The following UNC5C variants were observed in gnomAD, a reference collection of about 807,000 sequenced individuals.
UNC5C encodes the protein netrin receptor UNC5C.
UNC5C carries 47 observed loss-of-function variants against 99.8 expected under a neutral mutation model. The observed-to-expected ratio is 0.47, with a 90% confidence interval of 0.37 to 0.60. The LOEUF is 0.60. Among genes scored for constraint, UNC5C ranks in the 20% least tolerant of loss-of-function variants. The probability of loss-of-function intolerance (pLI) is 0.00; values close to 1 mark genes in which losing one functional copy is unlikely to be tolerated. For missense variants in UNC5C, 1,062 were observed against 1,165.9 expected (o/e 0.91, Z 1.30); for synonymous variants, 487 against 452.2 (o/e 1.08, Z -0.98).
At chr4:95,521,862 A>C (rs1722366904) in intron 1 of UNC5C, among the ~76,000 whole-genome samples, 1 of 152,244 alleles carries the variant, frequency 6.6e-6, no homozygotes, top group Admixed American at 6.5e-5. Context: ...ATGAAAAAGT[A>C]AACATAATTT....
intron 1 of UNC5C, among the ~76,000 whole-genome samples, chr4:95,421,619 TACACACAC>T (rs3069166): frequency 1.3e-5 from 2 of 149,542 alleles, no homozygotes; most frequent in Non-Finnish European, 3.0e-5. Context: ...CACTCTCTTT[TACACACAC>T]ACACACACAC....
In UNC5C at chr4:95,165,705, C is replaced by T. The variant is rs1380825935; in HGVS notation, c.*3529G>A. On this transcript the variant is annotated 3_prime_UTR_variant, in exon 16 of 16. Coordinates refer to ENST00000453304, the MANE Select transcript of UNC5C (RefSeq NM_003728.4). The stretch of plus-strand genomic sequence containing the variant: ...TCTTCCCTAGACATAGTATTCCATT[C>T]GCATATATAAGACTTATTTCTTTCT... 3 of 152,256 alleles carry T rather than the reference C, an allele frequency of 2.0e-5. No homozygotes were observed. Among genetic ancestry groups the T allele is most frequent in the East Asian group, 1.9e-4 (1 of 5,186 alleles). The allele number at this position is 152,256 out of a possible 1,614,324, so 9.4% of individuals were successfully genotyped here.
At chr4:95,440,305 G>A (rs1364010895) in intron 1 of UNC5C, among the ~76,000 whole-genome samples, 2 of 152,078 alleles carry the variant, frequency 1.3e-5, no homozygotes, top group East Asian at 3.9e-4. Context: ...ATTAGAGAAG[G>A]GAATAAATGT....
intron 11 of UNC5C, among the ~76,000 whole-genome samples, chr4:95,204,700 T>G (rs1737812110): frequency 6.6e-6 from 1 of 152,212 alleles, no homozygotes. Flanking sequence ...GGGGCAGGAA[T>G]CATGTCGACT....
chr4:95,191,485 T>G (rs1003267445), intron 12 of UNC5C, among the ~76,000 whole-genome samples: 4 of 152,022 alleles, frequency 2.6e-5, no homozygotes, highest in Non-Finnish European at 5.9e-5. Flanking sequence ...CCACAGCGGA[T>G]CTGGTGGGCT....
At chr4:95,510,649 T>G (rs1276219815) in intron 1 of UNC5C, among the ~76,000 whole-genome samples, 2 of 152,122 alleles carry the variant, frequency 1.3e-5, no homozygotes, top group African/African-American at 2.4e-5. Context: ...TTAAGGGTAG[T>G]GTGCTGTAGA....
intron 5 of UNC5C, among the ~76,000 whole-genome samples, chr4:95,246,618 GGATA>G (rs1560751448): frequency 6.6e-6 from 1 of 151,226 alleles, no homozygotes; most frequent in African/African-American, 2.4e-5. Context: ...TAATGTTTAT[GGATA>G]CATTATGCAT....
intron 2 of UNC5C, among the ~76,000 whole-genome samples, chr4:95,302,787 A>T (rs1295224427): frequency 1.3e-5 from 2 of 152,252 alleles, no homozygotes; most frequent in African/African-American, 2.4e-5. Flanking sequence ...AGTATCAATT[A>T]TGTAAAAGAT....
intron 1 of UNC5C, among the ~76,000 whole-genome samples, chr4:95,425,375 G>T (rs1443337051): frequency 6.6e-6 from 1 of 152,252 alleles, no homozygotes; most frequent in Non-Finnish European, 1.5e-5. Flanking sequence ...AGGCTGGAGT[G>T]CAGTGGCGCG....
In UNC5C at chr4:95,301,664, A is replaced by G; in HGVS notation, c.432T>C (p.Cys144=). 6.2e-7 allele frequency: 1 copy of G among 1,613,826 alleles called. No homozygotes were observed. The change falls in exon 3 of 16, where the codon TGT becomes TGC. Residue 144 remains cysteine (C), a synonymous_variant. Coordinates refer to ENST00000453304, the MANE Select transcript of UNC5C (RefSeq NM_003728.4). ...TGGTACCCGCGGAGCTCCAGGCCAC[A>G]CACTGGCACCAGTAATCTTCAGGTC... is the stretch of plus-strand genomic sequence containing the variant. The part of the protein sequence containing the change: ...LFGPEDYWCQ[C]VAWSSAGTTK...
At chr4:95,343,979 T>C (rs566933654) in intron 1 of UNC5C, among the ~76,000 whole-genome samples, 2 of 152,120 alleles carry the variant, frequency 1.3e-5, no homozygotes, top group African/African-American at 2.4e-5. Context: ...CTAAGAGTTA[T>C]TGGCCTTAAA....
intron 5 of UNC5C, among the ~76,000 whole-genome samples, chr4:95,245,498 C>A (rs1019092473): frequency 4.6e-5 from 7 of 152,142 alleles, no homozygotes; most frequent in Non-Finnish European, 8.8e-5. Flanking sequence ...TAAATGTTTA[C>A]ATCTCTATGA....
intron 1 of UNC5C, among the ~76,000 whole-genome samples, chr4:95,483,031 A>C (rs1721212565): frequency 1.2e-5 from 1 of 80,168 alleles, no homozygotes; most frequent in Non-Finnish European, 3.5e-5. Context: ...TAATAATAAT[A>C]ATAATAATAA....
chr4:95,519,177 CTGCAAGCA>C (rs1388342867), intron 1 of UNC5C, among the ~76,000 whole-genome samples: 3 of 152,060 alleles, frequency 2.0e-5, no homozygotes, highest in Non-Finnish European at 2.9e-5. Flanking sequence ...GTCTGCTAAA[CTGCAAGCA>C]TGGGTTAAGA....
chr4:95,335,798 A>G (rs1743316043), intron 1 of UNC5C, among the ~76,000 whole-genome samples, 167 bp from the exon 2 acceptor site: 1 of 151,950 alleles, frequency 6.6e-6, no homozygotes, highest in Non-Finnish European at 1.5e-5. Context: ...ATTTAAGGAT[A>G]TGGATTATTA....
intron 1 of UNC5C, among the ~76,000 whole-genome samples, chr4:95,353,809 A>G (rs759879234): frequency 7.9e-5 from 12 of 152,264 alleles, no homozygotes; most frequent in Non-Finnish European, 1.3e-4. Context: ...TTTAAAGTAT[A>G]TTTTAACTAA....
chr4:95,298,207 G>A (rs116619212), intron 3 of UNC5C, among the ~76,000 whole-genome samples: 1,738 of 152,244 alleles, frequency 0.011, 26 homozygotes, highest in African/African-American at 0.04. Flanking sequence ...AGCTACCTGG[G>A]AGGCTGGGGT....
intron 12 of UNC5C, among the ~76,000 whole-genome samples, chr4:95,191,434 C>A (rs28680661): frequency 0.07 from 10,655 of 152,156 alleles, 796 homozygotes; most frequent in African/African-American, 0.18. Context: ...GAGCCCTGCA[C>A]AGTGGTGATT....
At chr4:95,527,023 GT>G (rs1722513649) in intron 1 of UNC5C, among the ~76,000 whole-genome samples, 2 of 152,014 alleles carry the variant, frequency 1.3e-5, no homozygotes, top group Non-Finnish European at 2.9e-5. Context: ...TTAGGATAAA[GT>G]TTCAAGTTAA....
Sources: allele counts gnomAD v4.1 joint callset (sites outside exome capture counted in the v4.1 genomes callset), GRCh38; gene constraint gnomAD v4.1.1; transcripts MANE v1.5; gene names NCBI Gene and HGNC (gene_info 2026-07-23, HGNC 2026-07-21).